The following FUT8 variants were observed in gnomAD, a reference collection of about 807,000 sequenced individuals.
FUT8 encodes fucosyltransferase 8.
FUT8 carries 29 observed loss-of-function variants against 71.3 expected under a neutral mutation model. That is an observed-to-expected ratio of 0.41 (90% CI 0.30 to 0.55). FUT8 has a LOEUF of 0.55. Ranked by LOEUF, FUT8 falls within the 20% of genes least tolerant of loss-of-function variation. The probability of loss-of-function intolerance (pLI) is 0.34; values close to 1 mark genes in which losing one functional copy is unlikely to be tolerated. For missense variants in FUT8, 544 were observed against 702.1 expected, an observed-to-expected ratio of 0.77 and a Z score of 2.55; for synonymous variants, 254 against 239.3, an observed-to-expected ratio of 1.06 and a Z score of -0.57.
chr14:65,453,945 A>G (rs28582697), intron 1 of FUT8, among the ~76,000 whole-genome samples: 2,985 of 152,140 alleles, frequency 0.02, 88 homozygotes, highest in African/African-American at 0.06. Context: ...CCTCTTGGCA[A>G]TGGTGTCTAG....
chr14:65,675,716 G>A (rs913856056), intron 7 of FUT8, among the ~76,000 whole-genome samples: 13 of 152,116 alleles, frequency 8.5e-5, no homozygotes, highest in African/African-American at 2.9e-4. Flanking sequence ...GAGGCCGGGC[G>A]CGGTGGCTCA....
intron 5 of FUT8, among the ~76,000 whole-genome samples, chr14:65,618,559 A>G (rs1889430689): frequency 6.6e-6 from 1 of 152,214 alleles, no homozygotes; most frequent in Non-Finnish European, 1.5e-5. Context: ...AGTAATACAA[A>G]TAATGAGCAA....
chr14:65,726,666 A>C (rs1044295613), intron 9 of FUT8, among the ~76,000 whole-genome samples: 1 of 152,160 alleles, frequency 6.6e-6, no homozygotes, highest in Admixed American at 6.5e-5. Context: ...AAACCATATC[A>C]TTCCACCCCT....
intron 7 of FUT8, among the ~76,000 whole-genome samples, chr14:65,677,151 T>TGTGTGCGCGCGCGCGC: frequency 8.1e-5 from 9 of 110,738 alleles, no homozygotes; most frequent in South Asian, 3.0e-4. Flanking sequence ...TGTGTGTGTG[T>TGTGTGCGCGCGCGCGC]GCGCGCGCGC....
chr14:65,429,859 C>A (rs2065443338), intron 1 of FUT8, among the ~76,000 whole-genome samples: 2 of 39,602 alleles, frequency 5.1e-5, no homozygotes, highest in East Asian at 1.0e-3. Context: ...GTGAGACTGT[C>A]TCAAAAAAAA....
intron 6 of FUT8, among the ~76,000 whole-genome samples, chr14:65,632,488 A>T (rs1450780951): frequency 6.6e-6 from 1 of 151,830 alleles, no homozygotes; most frequent in Non-Finnish European, 1.5e-5. Context: ...GATGTTGAGC[A>T]TTTTTTCATG....
intron 7 of FUT8, among the ~76,000 whole-genome samples, chr14:65,717,294 C>T (rs1293637639): frequency 1.2e-5 from 1 of 81,598 alleles, no homozygotes; most frequent in Non-Finnish European, 2.4e-5. Flanking sequence ...ACTTCCCAGA[C>T]GATGGGCGGC....
intron 2 of FUT8, among the ~76,000 whole-genome samples, chr14:65,523,859 G>A (rs1203069377): frequency 6.6e-6 from 1 of 152,158 alleles, no homozygotes; most frequent in East Asian, 1.9e-4. Flanking sequence ...GTTTTTGTCA[G>A]GTTTGTCAAG....
the FUT8 span, among the ~76,000 whole-genome samples, chr14:65,402,694 C>T: frequency 6.6e-6 from 1 of 151,932 alleles, no homozygotes; most frequent in Non-Finnish European, 1.5e-5. Context: ...AGATGGGGTT[C>T]TTGCCATGTT....
At chr14:65,462,243 ATTTG>A (rs1038690324) in intron 2 of FUT8, among the ~76,000 whole-genome samples, 16 of 152,200 alleles carry the variant, frequency 1.1e-4, no homozygotes, top group African/African-American at 3.6e-4. Context: ...GCGTAAATTA[ATTTG>A]TTTATTTGGG....
intron 2 of FUT8, among the ~76,000 whole-genome samples, chr14:65,485,079 G>A (rs2066388517): frequency 6.6e-6 from 1 of 152,020 alleles, no homozygotes; most frequent in Non-Finnish European, 1.5e-5. Flanking sequence ...GCTCATGCCT[G>A]TAATTCCAGC....
intron 9 of FUT8, among the ~76,000 whole-genome samples, chr14:65,728,089 A>G (rs1044745218): frequency 2.0e-5 from 3 of 152,208 alleles, no homozygotes; most frequent in Non-Finnish European, 4.4e-5. Context: ...GGGCAAAGCC[A>G]TTCAACAAGT....
chr14:65,499,379 A>G (rs2066609777), intron 2 of FUT8, among the ~76,000 whole-genome samples: 1 of 152,182 alleles, frequency 6.6e-6, no homozygotes, highest in Non-Finnish European at 1.5e-5. Context: ...AGGCCCTCAA[A>G]CAGAGTACAG....
chr14:65,675,496 C>CA (rs1892669409), intron 7 of FUT8, among the ~76,000 whole-genome samples: 1 of 152,118 alleles, frequency 6.6e-6, no homozygotes, highest in African/African-American at 2.4e-5. Flanking sequence ...TTCATATTCT[C>CA]AGTAGCATGA....
At chr14:65,739,224 T>A (rs1896373732) in intron 10 of FUT8, among the ~76,000 whole-genome samples, 1 of 151,944 alleles carries the variant, frequency 6.6e-6, no homozygotes, top group Non-Finnish European at 1.5e-5. Context: ...TAAGTTCAGC[T>A]GCTATCTTTA....
At chr14:65,393,320 A>G in the FUT8 span, among the ~76,000 whole-genome samples, 71,355 of 152,082 alleles carry the variant, frequency 0.47, 17,067 homozygotes, top group South Asian at 0.54. Context: ...GGCCCAAGAA[A>G]GCAGAAGGAC....
At chr14:65,374,385 C>T in the FUT8 span, among the ~76,000 whole-genome samples, 1 of 152,108 alleles carries the variant, frequency 6.6e-6, no homozygotes, top group South Asian at 2.1e-4. Context: ...TTTGGATAAA[C>T]ATGGATTTTT....
Position 65,498,039 on chromosome 14 carries a change from T to G in FUT8, c.-228+42321T>G, listed in dbSNP as rs74056798. On this transcript the variant is annotated intron_variant, in intron 2 of 10. Coordinates refer to ENST00000673929, the MANE Select transcript of FUT8 (RefSeq NM_001371533.1). ...GGGAGTTTTGGTCAGAGTCATTTTA[T>G]TAGTCATATTATTTAATGAAAGAAT... Among the ~76,000 whole-genome samples the G allele has an allele frequency of 7.8e-3, 1,181 of 152,270 alleles. 9 individuals carry two copies. The highest frequency in any genetic ancestry group is 0.024 in the African/African-American group (985 of 41,548).
intron 2 of FUT8, among the ~76,000 whole-genome samples, chr14:65,512,467 G>A (rs1041438612): frequency 3.3e-5 from 5 of 152,114 alleles, no homozygotes; most frequent in Non-Finnish European, 5.9e-5. Context: ...GCCTGGCTGG[G>A]TATTTATGAT....
Sources: gnomAD v4.1 joint callset for allele counts (sites outside exome capture counted in the v4.1 genomes callset) on GRCh38, gnomAD v4.1.1 for gene constraint, MANE v1.5 for transcripts, NCBI Gene and HGNC (gene_info 2026-07-23, HGNC 2026-07-21) for gene names.